PRMT8: variants seen among roughly 807,000 people sequenced by gnomAD.
The protein encoded by PRMT8 is protein arginine N-methyltransferase 8.
In PRMT8, 7 loss-of-function variants were observed where a neutral mutation model predicts 47.1. That is an observed-to-expected ratio of 0.15 (90% CI 0.08 to 0.28). The LOEUF (loss-of-function observed/expected upper bound fraction) is 0.28, where lower values mean the gene tolerates loss of function less well. Ranked by LOEUF, PRMT8 falls within the 10% of genes least tolerant of loss-of-function variation. The pLI is 1.00. For synonymous variants in PRMT8, 188 were observed against 186.5 expected, an observed-to-expected ratio of 1.01 and a Z score of -0.07; for missense variants, 237 against 505.4, an observed-to-expected ratio of 0.47 and a Z score of 5.09.
rs7979328 is a variant in PRMT8, at chr12:3,397,916, T to C, written c.48+16474T>C. On this transcript the variant is annotated intron_variant, in intron 1 of 9. Transcript: ENST00000452611. Reference sequence around the variant, plus strand: ...AGGTGTGGGATGTAATCTCCTGGTGTGCCGTTTTTTAAGCCCGTCGGAAAA... The same window carrying C: ...AGGTGTGGGATGTAATCTCCTGGTGCGCCGTTTTTTAAGCCCGTCGGAAAA... Among the ~76,000 whole-genome samples the C allele has an allele frequency of 2.7e-3, 412 of 151,882 alleles. 1 individual carries two copies. The highest frequency in any genetic ancestry group is 6.2e-3 in the South Asian group (30 of 4,812).
At chr12:3,573,356 A>C (rs899134700) in intron 6 of PRMT8, among the ~76,000 whole-genome samples, 3 of 152,216 alleles carry the variant, frequency 2.0e-5, no homozygotes, top group African/African-American at 7.2e-5. Context: ...CCATCTCGCT[A>C]ATGAAATTCT....
chr12:3,450,120 C>T (rs1029892224), intron 1 of PRMT8, among the ~76,000 whole-genome samples: 7 of 152,278 alleles, frequency 4.6e-5, no homozygotes, highest in Admixed American at 2.6e-4. Context: ...TAGTTGAAAG[C>T]GTATCTTAAT....
intron 1 of PRMT8, among the ~76,000 whole-genome samples, chr12:3,428,219 A>G (rs956388194): frequency 8.6e-5 from 13 of 151,722 alleles, no homozygotes; most frequent in Non-Finnish European, 1.6e-4. Flanking sequence ...TTCAGTGGCT[A>G]ATGTTATTAA....
chr12:3,525,410 AG>A lies in PRMT8; in HGVS notation c.76-15195del, dbSNP rs1865938194. 2.0e-5 allele frequency among the ~76,000 whole-genome samples: 3 copies of A among 152,290 alleles called. No homozygotes were observed. The South Asian group carries it at 6.2e-4, about 32-fold the overall frequency. On this transcript the variant is annotated intron_variant, in intron 1 of 9. Transcript: ENST00000382622. Reference sequence around the variant, plus strand: ...GAGGATACAGGAGTTTGAGGATCAAAGTTTAGAACTCTGGAGCACTGAGGGG... The same window carrying A: ...GAGGATACAGGAGTTTGAGGATCAAATTTAGAACTCTGGAGCACTGAGGGG...
rs548681321 is a variant in PRMT8 at position 3,580,332 on chromosome 12, G to A, written c.829-2726G>A. On this transcript the variant is annotated intron_variant, in intron 7 of 9. Coordinates refer to ENST00000382622, the MANE Select transcript of PRMT8 (RefSeq NM_019854.5). The surrounding 1 kb of genome is among the most constrained non-coding windows in gnomAD (Gnocchi z 4.6). ...GGAATTCCTGCCAGATGGGGGGTGC[G>A]TGTGCGTGTGTGTGTGTGTGTGTGT... is the stretch of plus-strand genomic sequence containing the variant. Among the ~76,000 whole-genome samples, 7 of 106,052 alleles carry A rather than the reference G, an allele frequency of 6.6e-5. No homozygotes were observed. The highest frequency in any genetic ancestry group is 2.2e-4 in the African/African-American group (6 of 27,718). The allele number at this position is 106,052 out of a possible 152,430, so 69.6% of individuals were successfully genotyped here.
chr12:3,418,894 A>C (rs555108742), intron 1 of PRMT8, among the ~76,000 whole-genome samples: 1 of 152,272 alleles, frequency 6.6e-6, no homozygotes. Context: ...AAGATGGAGG[A>C]TTTAAATGTT....
At chr12:3,405,200 AG>A (rs1488197194) in intron 1 of PRMT8, among the ~76,000 whole-genome samples, 2 of 152,170 alleles carry the variant, frequency 1.3e-5, no homozygotes, top group African/African-American at 4.8e-5. Flanking sequence ...TGCCAAGCAA[AG>A]GGGGAAGCCC....
At chr12:3,417,840 A>G (rs1032894857) in intron 1 of PRMT8, among the ~76,000 whole-genome samples, 19 of 152,230 alleles carry the variant, frequency 1.2e-4, no homozygotes, top group African/African-American at 4.6e-4. Flanking sequence ...TTTTGCCTTG[A>G]GAGTGACCTT....
intron 1 of PRMT8, among the ~76,000 whole-genome samples, chr12:3,449,325 A>G (rs559390354): frequency 9.8e-5 from 15 of 152,310 alleles, no homozygotes; most frequent in African/African-American, 2.9e-4. Context: ...GTCTTCCACA[A>G]TGGTTGAATG....
At chr12:3,445,001 C>T (rs1043562303) in intron 1 of PRMT8, among the ~76,000 whole-genome samples, 3 of 152,104 alleles carry the variant, frequency 2.0e-5, no homozygotes, top group Non-Finnish European at 4.4e-5. Context: ...GAAGGGAGGG[C>T]TTTGTGCCAG....
intron 1 of PRMT8, among the ~76,000 whole-genome samples, chr12:3,390,147 A>T (rs960848282): frequency 7.2e-5 from 11 of 152,272 alleles, no homozygotes; most frequent in African/African-American, 2.4e-4. Context: ...TTGCAGCTCC[A>T]GCTGCAGGAG....
chr12:3,536,670 G>A (rs1349258650), intron 1 of PRMT8, among the ~76,000 whole-genome samples: 2 of 152,316 alleles, frequency 1.3e-5, no homozygotes, highest in East Asian at 1.9e-4. Context: ...GTCCTCCCTG[G>A]TGGCTGAGGT....
intron 1 of PRMT8, among the ~76,000 whole-genome samples, chr12:3,531,541 G>A (rs957761288): frequency 2.0e-5 from 3 of 152,198 alleles, no homozygotes; most frequent in Non-Finnish European, 4.4e-5. Flanking sequence ...CAGCACTTAC[G>A]GATCCAGGAG....
rs113555766 is a variant in PRMT8, at chr12:3,513,098, G to A, written c.75+21398G>A. ...GGTTTGAGTGTCTCAGTTGCTCTGC[G>A]TCTACCATGCAGCACTCTCCTTGGA... is the stretch of plus-strand genomic sequence containing the variant. On this transcript the variant is annotated intron_variant, in intron 1 of 9. Transcript: ENST00000382622. Among the ~76,000 whole-genome samples, 881 of 152,264 alleles carry A rather than the reference G, an allele frequency of 5.8e-3. 4 individuals are homozygous for A. Among genetic ancestry groups the A allele is most frequent in the African/African-American group, 0.02 (818 of 41,546 alleles).
intron 1 of PRMT8, among the ~76,000 whole-genome samples, chr12:3,398,942 G>A (rs1864291543): frequency 6.6e-6 from 1 of 152,306 alleles, no homozygotes; most frequent in East Asian, 1.9e-4. Flanking sequence ...GGATGGAGAT[G>A]AAAGTCCATG....
Position 3,507,829 on chromosome 12 carries a change from G to C in PRMT8, c.75+16129G>C, listed in dbSNP as rs1038751528. ...GCTGGAGTGCAGTGGTGCGATCTCG[G>C]ATCACTGCAACCTCTGCCTCCCGGG... On this transcript the variant is annotated intron_variant, in intron 1 of 9. Coordinates refer to ENST00000382622, the MANE Select transcript of PRMT8 (RefSeq NM_019854.5). Among the ~76,000 whole-genome samples the C allele has an allele frequency of 3.3e-5, 5 of 150,664 alleles. No individual in the cohort carries two copies. In the East Asian group the frequency reaches 7.8e-4, roughly 24 times the overall value.
At chr12:3,425,570 T>C (rs1017797075) in intron 1 of PRMT8, among the ~76,000 whole-genome samples, 1 of 152,262 alleles carries the variant, frequency 6.6e-6, no homozygotes, top group Non-Finnish European at 1.5e-5. Context: ...TTGCTGTTGG[T>C]TGTAATAGAT....
intron 2 of PRMT8, among the ~76,000 whole-genome samples, chr12:3,549,252 G>T (rs894383452): frequency 2.0e-5 from 3 of 152,048 alleles, no homozygotes; most frequent in African/African-American, 7.3e-5. Flanking sequence ...TAAAACCTGG[G>T]CTTTTTGTTG....
intron 1 of PRMT8, among the ~76,000 whole-genome samples, chr12:3,473,139 T>C (rs1205418455): frequency 6.6e-6 from 1 of 152,168 alleles, no homozygotes; most frequent in Non-Finnish European, 1.5e-5. Flanking sequence ...TAGAAAGTTC[T>C]TGAAAGCATC....
Sources: allele counts gnomAD v4.1 joint callset (sites outside exome capture counted in the v4.1 genomes callset), GRCh38; gene constraint gnomAD v4.1.1; non-coding constraint Gnocchi (gnomAD v3.1); transcripts MANE v1.5; gene names NCBI Gene and HGNC (gene_info 2026-07-23, HGNC 2026-07-21).